Variants in TCF12 observed in about 807,000 individuals in gnomAD.
TCF12 encodes the protein DNA-binding protein HTF4.
Under a neutral mutation model 86.0 loss-of-function variants are expected in TCF12, and 45 were observed. The ratio of observed to expected loss-of-function variants is 0.52; its 90% CI spans 0.41 to 0.67. The LOEUF (loss-of-function observed/expected upper bound fraction) is 0.67. Ranked by LOEUF, TCF12 falls within the 30% of genes least tolerant of loss-of-function variation. The pLI is 0.00. For missense variants in TCF12, 881 were observed against 859.9 expected, an observed-to-expected ratio of 1.02 and a Z score of -0.31; for synonymous variants, 330 against 299.6, an observed-to-expected ratio of 1.10 and a Z score of -1.05.
At chr15:57,112,409 T>A (rs1304623872) in intron 5 of TCF12, among the ~76,000 whole-genome samples, 1 of 152,216 alleles carries the variant, frequency 6.6e-6, no homozygotes, top group Non-Finnish European at 1.5e-5. Flanking sequence ...GAAGGAACAC[T>A]ACTCTTTGGA....
At chr15:57,032,925 G>A (rs1485056019) in intron 3 of TCF12, among the ~76,000 whole-genome samples, 1 of 152,182 alleles carries the variant, frequency 6.6e-6, no homozygotes, top group African/African-American at 2.4e-5. Context: ...GAAAATGCTT[G>A]CATAAGCAAC....
downstream of TCF12, among the ~76,000 whole-genome samples, chr15:57,290,172 G>A (rs554496181): frequency 2.0e-5 from 3 of 152,056 alleles, no homozygotes; most frequent in East Asian, 1.9e-4. Flanking sequence ...GTAAAACCCC[G>A]TGTCTACTAA....
chr15:57,005,077 G>A (rs2064270383), intron 3 of TCF12, among the ~76,000 whole-genome samples: 1 of 152,150 alleles, frequency 6.6e-6, no homozygotes, highest in South Asian at 2.1e-4. Context: ...CTATTTTTAA[G>A]GATAGTCTTT....
chr15:56,989,988 G>A (rs1431013863), intron 3 of TCF12, among the ~76,000 whole-genome samples: 1 of 151,966 alleles, frequency 6.6e-6, no homozygotes, highest in Non-Finnish European at 1.5e-5. Flanking sequence ...GTAAACAAAT[G>A]AAGATTAAAA....
intron 5 of TCF12, among the ~76,000 whole-genome samples, chr15:57,133,295 G>T (rs2615239): frequency 1.8e-4 from 28 of 152,220 alleles, no homozygotes; most frequent in African/African-American, 6.8e-4. Context: ...TTAGCCTGCC[G>T]TGTAAAGTCA....
At chr15:57,080,645 TGACCCAAAA>T (rs1713271173) in intron 4 of TCF12, among the ~76,000 whole-genome samples, 1 of 152,198 alleles carries the variant, frequency 6.6e-6, no homozygotes, top group Non-Finnish European at 1.5e-5. Flanking sequence ...TTTAGGGCCC[TGACCCAAAA>T]GATTTTGATA....
chr15:56,927,235 G>C (rs1194304902), intron 3 of TCF12, among the ~76,000 whole-genome samples: 6 of 152,078 alleles, frequency 3.9e-5, no homozygotes, highest in African/African-American at 9.7e-5. Context: ...TATGAGGGAA[G>C]CATGCTCGGT....
intron 3 of TCF12, among the ~76,000 whole-genome samples, chr15:57,046,538 G>A (rs1291660244): frequency 1.3e-5 from 2 of 152,230 alleles, no homozygotes; most frequent in East Asian, 3.9e-4. Flanking sequence ...TGCCTCCCAG[G>A]TTCAAGCTGT....
chr15:57,169,203 C>T (rs1277082256), intron 6 of TCF12, among the ~76,000 whole-genome samples: 2 of 152,190 alleles, frequency 1.3e-5, no homozygotes, highest in African/African-American at 4.8e-5. Flanking sequence ...TGCCACCCTG[C>T]TTCAGGGCCT....
intron 3 of TCF12, among the ~76,000 whole-genome samples, chr15:57,057,159 G>C (rs1349005985): frequency 5.9e-5 from 9 of 152,180 alleles, no homozygotes; most frequent in African/African-American, 2.2e-4. Context: ...GCTACAAACT[G>C]CCTTGTGCCT....
At chr15:56,988,144 AAGAT>A (rs1237283333) in intron 3 of TCF12, among the ~76,000 whole-genome samples, 2 of 152,208 alleles carry the variant, frequency 1.3e-5, no homozygotes, top group African/African-American at 4.8e-5. Flanking sequence ...ACCATTTTAA[AAGAT>A]AGTAACATTT....
chr15:57,032,698 G>A (rs1026890707), intron 3 of TCF12, among the ~76,000 whole-genome samples: 2 of 152,172 alleles, frequency 1.3e-5, no homozygotes, highest in South Asian at 4.1e-4. Flanking sequence ...TCCCACCTAG[G>A]CCTCCAAGAG....
At chr15:57,027,379 C>CATTTATT (rs2065886257) in intron 3 of TCF12, among the ~76,000 whole-genome samples, 3 of 152,096 alleles carry the variant, frequency 2.0e-5, no homozygotes, top group African/African-American at 7.2e-5. Flanking sequence ...CAAGATTTAT[C>CATTTATT]CAAGTTGTTG....
chr15:57,194,377 G>C (rs1188339005), intron 7 of TCF12, among the ~76,000 whole-genome samples: 1 of 116,454 alleles, frequency 8.6e-6, no homozygotes, highest in African/African-American at 2.6e-5. Context: ...TTTGGCCAAG[G>C]CTTGAGTTGG....
intron 5 of TCF12, among the ~76,000 whole-genome samples, chr15:57,099,739 C>G (rs1443889140): frequency 2.0e-5 from 3 of 152,004 alleles, no homozygotes; most frequent in Admixed American, 6.6e-5. Context: ...AGTCTTCAGT[C>G]TTTTGCATGG....
Position 57,232,796 on chromosome 15 carries a change from A to AG in TCF12, c.911dup (p.Ser304ArgfsTer34). ...CAGCTTTCATCGCGGCAGTACCAGC[A>AG]GTTCACCTTACGTTGCTGCCTCACA... On this transcript the variant is annotated frameshift_variant, in exon 11 of 21. Coordinates refer to ENST00000333725, the MANE Select transcript of TCF12 (RefSeq NM_207037.2). LOFTEE classifies it high-confidence loss of function. The AG allele has an allele frequency of 6.2e-7, 1 of 1,612,980 alleles. No individual in the cohort carries two copies. The highest frequency in any genetic ancestry group is 8.5e-7 in the Non-Finnish European group (1 of 1,179,452).
chr15:57,020,214 C>T (rs945293553), intron 3 of TCF12, among the ~76,000 whole-genome samples: 5 of 152,136 alleles, frequency 3.3e-5, no homozygotes, highest in Non-Finnish European at 7.3e-5. Context: ...GCCTTATTTA[C>T]GTAGCATAGT....
At chr15:57,227,334 A>G (rs1025713503) in intron 8 of TCF12, among the ~76,000 whole-genome samples, 1 of 152,150 alleles carries the variant, frequency 6.6e-6, no homozygotes, top group Non-Finnish European at 1.5e-5. Context: ...AGCACAGTGC[A>G]CAGCTCCAGC....
intron 3 of TCF12, among the ~76,000 whole-genome samples, chr15:57,054,309 A>G (rs542992280): frequency 1.3e-5 from 2 of 152,380 alleles, no homozygotes; most frequent in African/African-American, 4.8e-5. Flanking sequence ...GCAAAAATTC[A>G]TTAAAATGTA....
Sources: gnomAD v4.1 joint callset for allele counts (sites outside exome capture counted in the v4.1 genomes callset) on GRCh38, gnomAD v4.1.1 for gene constraint, MANE v1.5 for transcripts, NCBI Gene and HGNC (gene_info 2026-07-23, HGNC 2026-07-21) for gene names.